The following OPHN1 variants were observed in gnomAD, a reference collection of about 807,000 sequenced individuals.
The protein encoded by OPHN1 is oligophrenin 1.
In OPHN1, 11 loss-of-function variants were observed where a neutral mutation model predicts 60.7. That is an observed-to-expected ratio of 0.18 (90% CI 0.11 to 0.30). The LOEUF (loss-of-function observed/expected upper bound fraction) is 0.30, where lower values mean the gene tolerates loss of function less well. Ranked by LOEUF, OPHN1 falls within the 10% of genes least tolerant of loss-of-function variation. OPHN1 has a pLI of 1.00. For synonymous variants in OPHN1, 226 were observed against 222.6 expected (o/e 1.02, Z -0.14); for missense variants, 449 against 611.0 (o/e 0.73, Z 2.80).
intron 6 of OPHN1, among the ~76,000 whole-genome samples, chrX:68,224,051 C>T (rs1159752687): frequency 9.0e-6 from 1 of 111,295 alleles, no homozygotes; most frequent in African/African-American, 3.3e-5. Flanking sequence ...ATCCAGCTAG[C>T]AGAAAATCCG....
chrX:68,394,357 G>A (rs189776547), intron 2 of OPHN1, among the ~76,000 whole-genome samples: 11 of 111,245 alleles, frequency 9.9e-5, no homozygotes, highest in Admixed American at 3.8e-4. Context: ...TAGCTTAATA[G>A]CATGCTATAT....
intron 18 of OPHN1, among the ~76,000 whole-genome samples, chrX:68,097,518 C>T (rs1014408215): frequency 9.0e-6 from 1 of 111,348 alleles, no homozygotes. Flanking sequence ...CCTTGATCAT[C>T]TTCCTTATTT....
At chrX:68,431,968 T>C (rs1211586312) in intron 2 of OPHN1, among the ~76,000 whole-genome samples, 1 of 111,280 alleles carries the variant, frequency 9.0e-6, no homozygotes, top group Non-Finnish European at 1.9e-5. Context: ...CTTCTGTGTA[T>C]ATGCTTTGGC....
chrX:68,417,702 G>A (rs973728394), intron 2 of OPHN1, among the ~76,000 whole-genome samples: 8 of 112,360 alleles, frequency 7.1e-5, no homozygotes, highest in African/African-American at 2.3e-4. Flanking sequence ...AATATTAAAG[G>A]CACAGTTGAC....
intron 2 of OPHN1, among the ~76,000 whole-genome samples, chrX:68,396,657 A>T (rs756943752): frequency 9.2e-6 from 1 of 109,180 alleles, no homozygotes; most frequent in South Asian, 4.0e-4. Context: ...TCTCCTAAAA[A>T]TACAAAAATT....
chrX:68,394,446 T>C (rs889441688), intron 2 of OPHN1, among the ~76,000 whole-genome samples: 1 of 111,949 alleles, frequency 8.9e-6, no homozygotes, highest in African/African-American at 3.2e-5. Context: ...TTGCCTGCTT[T>C]TACATACAAC....
At chrX:68,252,278 T>C (rs1411074477) in intron 5 of OPHN1, among the ~76,000 whole-genome samples, 1 of 112,683 alleles carries the variant, frequency 8.9e-6, no homozygotes, top group African/African-American at 3.2e-5. Context: ...TTTATGCCAC[T>C]GAATTTTGGG....
intron 17 of OPHN1, 121 bp from the exon 18 acceptor site, chrX:68,112,080 CACACACACAGAG>C: frequency 9.5e-6 from 4 of 421,796 alleles, no homozygotes; most frequent in South Asian, 3.5e-5. Context: ...CACACACACA[CACACACACAGAG>C]AGAGATTCGG....
At chrX:68,411,250 A>G (rs2078767768) in intron 2 of OPHN1, among the ~76,000 whole-genome samples, 1 of 112,137 alleles carries the variant, frequency 8.9e-6, no homozygotes, top group African/African-American at 3.2e-5. Flanking sequence ...TCACCCACGT[A>G]ATAAGCATAG....
intron 21 of OPHN1, among the ~76,000 whole-genome samples, chrX:68,063,179 T>G (rs1425062247): frequency 9.2e-6 from 1 of 108,535 alleles, no homozygotes; most frequent in African/African-American, 3.4e-5. Flanking sequence ...TACAGCAGCC[T>G]CCATTTCCAA....
intron 2 of OPHN1, among the ~76,000 whole-genome samples, chrX:68,372,643 A>T (rs1299004646): frequency 9.0e-6 from 1 of 111,067 alleles, no homozygotes; most frequent in Non-Finnish European, 1.9e-5. Context: ...GTACACATAA[A>T]ACACCAAACT....
intron 15 of OPHN1, among the ~76,000 whole-genome samples, chrX:68,138,793 T>C (rs957058887): frequency 8.9e-6 from 1 of 112,054 alleles, no homozygotes; most frequent in African/African-American, 3.2e-5. Flanking sequence ...GTGAGTTTGA[T>C]AGGACTTGCC....
intron 6 of OPHN1, among the ~76,000 whole-genome samples, chrX:68,231,507 C>T (rs145173778): frequency 0.023 from 2,592 of 111,473 alleles, 67 homozygotes; most frequent in African/African-American, 0.08. Flanking sequence ...AATTTTTTAT[C>T]GCAGCTTTAA....
chrX:68,259,530 T>C (rs994367701), intron 5 of OPHN1, among the ~76,000 whole-genome samples: 9 of 111,929 alleles, frequency 8.0e-5, no homozygotes, highest in African/African-American at 2.6e-4. Flanking sequence ...TCCTTTTTTA[T>C]AAATATGAAA....
intron 15 of OPHN1, among the ~76,000 whole-genome samples, chrX:68,165,522 G>A (rs2077354154): frequency 9.0e-6 from 1 of 111,319 alleles, no homozygotes; most frequent in Non-Finnish European, 1.9e-5. Flanking sequence ...TATATAGCGT[G>A]GTTTGTGGCA....
chrX:68,174,300 T>C (rs2077404146), intron 15 of OPHN1, among the ~76,000 whole-genome samples: 1 of 110,797 alleles, frequency 9.0e-6, no homozygotes, highest in African/African-American at 3.3e-5. Context: ...CAAAAGAATA[T>C]GACTGCAGAG....
At chrX:68,149,420 T>C (rs2077276185) in intron 15 of OPHN1, among the ~76,000 whole-genome samples, 1 of 112,048 alleles carries the variant, frequency 8.9e-6, no homozygotes, top group Non-Finnish European at 1.9e-5. Context: ...TTTCCATGAC[T>C]ATGATTTTTC....
chrX:68,355,693 C>G (rs1368284935), intron 2 of OPHN1, among the ~76,000 whole-genome samples: 2 of 111,482 alleles, frequency 1.8e-5, no homozygotes, highest in Middle Eastern at 4.2e-3. Context: ...CATATGCTTC[C>G]AAGAAAGACA....
intron 6 of OPHN1, among the ~76,000 whole-genome samples, chrX:68,222,727 A>G (rs1243658859): frequency 3.1e-5 from 3 of 95,574 alleles, no homozygotes; most frequent in Non-Finnish European, 6.1e-5. Flanking sequence ...GAATTGAACA[A>G]TGAGATCACA....
Sources: allele counts gnomAD v4.1 joint callset (sites outside exome capture counted in the v4.1 genomes callset), GRCh38; gene constraint gnomAD v4.1.1; transcripts MANE v1.5; gene names NCBI Gene and HGNC (gene_info 2026-07-23, HGNC 2026-07-21).